The following SPECC1 variants were observed in gnomAD, a reference collection of about 807,000 sequenced individuals.
SPECC1 encodes the protein cytospin-B.
SPECC1 carries 62 observed loss-of-function variants against 104.1 expected under a neutral mutation model. The observed-to-expected ratio is 0.60, with a 90% CI of 0.49 to 0.74. The LOEUF is 0.74. Ranked by LOEUF, SPECC1 falls within the 30% of genes least tolerant of loss-of-function variation. SPECC1 has a pLI of 0.00. For synonymous variants in SPECC1, 513 were observed against 501.6 expected (o/e 1.02, Z -0.30); for missense variants, 1,306 against 1,310.5 (o/e 1.00, Z 0.05).
intron 1 of SPECC1, among the ~76,000 whole-genome samples, chr17:20,013,843 A>G (rs1044097391): frequency 6.6e-6 from 1 of 152,130 alleles, no homozygotes; most frequent in Non-Finnish European, 1.5e-5. Context: ...GCCATTGTAT[A>G]TATCCCTAAT....
intron 4 of SPECC1, among the ~76,000 whole-genome samples, chr17:20,216,108 G>C (rs980317783): frequency 6.6e-6 from 1 of 152,166 alleles, no homozygotes; most frequent in African/African-American, 2.4e-5. Flanking sequence ...CACTTGAAAA[G>C]AACAATCCAG....
chr17:20,010,361 A>G (rs2043898972), intron 1 of SPECC1: 1 of 152,184 alleles, frequency 6.6e-6, no homozygotes, highest in East Asian at 1.9e-4. Flanking sequence ...GGCAGCAGAT[A>G]AAGTGTTTTT....
intron 3 of SPECC1, among the ~76,000 whole-genome samples, chr17:20,149,156 T>C (rs781578903): frequency 1.3e-5 from 2 of 152,200 alleles, no homozygotes; most frequent in South Asian, 2.1e-4. Flanking sequence ...GTGTTGAACA[T>C]TGTAGGTTTT....
At chr17:20,209,635 A>G (rs1422813546) in intron 4 of SPECC1, among the ~76,000 whole-genome samples, 2 of 151,594 alleles carry the variant, frequency 1.3e-5, no homozygotes, top group Non-Finnish European at 2.9e-5. Context: ...ATGCATCTTG[A>G]TGGCCGCTTA....
chr17:20,300,512 G>C (rs565395283), intron 13 of SPECC1, among the ~76,000 whole-genome samples: 1 of 152,258 alleles, frequency 6.6e-6, no homozygotes, highest in Non-Finnish European at 1.5e-5. Context: ...GTGTGTGTGC[G>C]TCACTCCCTG....
chr17:20,016,459 T>C (rs1484350193), intron 1 of SPECC1, among the ~76,000 whole-genome samples: 1 of 151,452 alleles, frequency 6.6e-6, no homozygotes, highest in East Asian at 2.0e-4. Flanking sequence ...TGCAGGGAGG[T>C]GTGGAGGGAG....
chr17:20,297,318 A>T (rs2041386733), intron 13 of SPECC1, among the ~76,000 whole-genome samples: 1 of 152,208 alleles, frequency 6.6e-6, no homozygotes, highest in Admixed American at 6.5e-5. Context: ...GCATTTTTCA[A>T]AGCCTATTCC....
chr17:20,067,718 A>G (rs2046407126), intron 1 of SPECC1, among the ~76,000 whole-genome samples: 1 of 152,082 alleles, frequency 6.6e-6, no homozygotes, highest in South Asian at 2.1e-4. Context: ...GTATTCACTT[A>G]TATTCACTGC....
At chr17:20,123,051 G>A (rs887275841) in intron 3 of SPECC1, among the ~76,000 whole-genome samples, 1 of 152,214 alleles carries the variant, frequency 6.6e-6, no homozygotes, top group African/African-American at 2.4e-5. Flanking sequence ...TGTAGGGTAA[G>A]ATTTCTGCTC....
At chr17:20,306,305 G>A (rs1238988315) in intron 14 of SPECC1, 3 of 490,310 alleles carry the variant, frequency 6.1e-6, no homozygotes, top group Non-Finnish European at 1.1e-5. Context: ...TTCAGTTCTG[G>A]AAACACAGTG....
intron 12 of SPECC1, among the ~76,000 whole-genome samples, chr17:20,272,332 A>C (rs1175360288): frequency 1.1e-5 from 1 of 88,532 alleles, no homozygotes; most frequent in Non-Finnish European, 2.0e-5. Flanking sequence ...TAAATGCTTA[A>C]TTTTGCATTT....
intron 5 of SPECC1, 51 bp from the exon 6 acceptor site, chr17:20,231,704 TCTC>T: frequency 6.4e-7 from 1 of 1,556,110 alleles, no homozygotes; most frequent in Non-Finnish European, 8.9e-7. Context: ...TAGCGTGTCT[TCTC>T]TTAAGAGTCT....
intron 3 of SPECC1, among the ~76,000 whole-genome samples, chr17:20,202,938 A>G (rs997327876): frequency 6.6e-6 from 1 of 152,212 alleles, no homozygotes; most frequent in Admixed American, 6.5e-5. Flanking sequence ...TTATTAGGTC[A>G]AAGTTTCAAA....
At chr17:20,169,796 C>G (rs2033947329) in intron 3 of SPECC1, among the ~76,000 whole-genome samples, 1 of 152,164 alleles carries the variant, frequency 6.6e-6, no homozygotes, top group African/African-American at 2.4e-5. Context: ...AGCCACCGCT[C>G]ATGGCCAGAC....
At chr17:20,219,803 T>A (rs1046970893) in intron 4 of SPECC1, among the ~76,000 whole-genome samples, 3 of 152,170 alleles carry the variant, frequency 2.0e-5, no homozygotes, top group Non-Finnish European at 4.4e-5. Flanking sequence ...TTTAGTAGTT[T>A]TCATAGTTTG....
At chr17:20,019,559 G>C (rs2044289755) in intron 1 of SPECC1, among the ~76,000 whole-genome samples, 1 of 152,164 alleles carries the variant, frequency 6.6e-6, no homozygotes, top group African/African-American at 2.4e-5. Context: ...ATTTTGAAAA[G>C]GCAAGGATCC....
intron 3 of SPECC1, among the ~76,000 whole-genome samples, chr17:20,153,103 A>G (rs2032162759): frequency 6.6e-6 from 1 of 152,338 alleles, no homozygotes; most frequent in East Asian, 1.9e-4. Context: ...ACATGAATTT[A>G]GGAAGGACAC....
chr17:20,182,311 T>G (rs1287796165), intron 3 of SPECC1, among the ~76,000 whole-genome samples: 1 of 152,058 alleles, frequency 6.6e-6, no homozygotes, highest in Non-Finnish European at 1.5e-5. Context: ...AGACAAGGTT[T>G]TGCCGTGTTG....
At chr17:20,091,675 G>A (rs898906883) in intron 1 of SPECC1, among the ~76,000 whole-genome samples, 6 of 152,114 alleles carry the variant, frequency 3.9e-5, no homozygotes, top group African/African-American at 1.4e-4. Context: ...GTTCACTTAC[G>A]TTCTATTTCC....
Sources: gnomAD v4.1 joint callset for allele counts (sites outside exome capture counted in the v4.1 genomes callset) on GRCh38, gnomAD v4.1.1 for gene constraint, MANE v1.5 for transcripts, NCBI Gene and HGNC (gene_info 2026-07-23, HGNC 2026-07-21) for gene names.